NCAM2: variants seen among roughly 807,000 people sequenced by gnomAD.
NCAM2 encodes N-CAM-2.
In NCAM2, 30 loss-of-function variants were observed where a neutral mutation model predicts 98.1. The observed-to-expected ratio is 0.31, with a 90% CI of 0.23 to 0.41. The LOEUF is 0.41. Among genes scored for constraint, NCAM2 ranks in the 10% least tolerant of loss-of-function variants. The pLI is 1.00. For missense variants in NCAM2, 867 were observed against 1,005.8 expected (o/e 0.86, Z 1.87); for synonymous variants, 368 against 342.4 (o/e 1.07, Z -0.83).
At chr21:21,123,653 A>G (rs939339280) in intron 1 of NCAM2, among the ~76,000 whole-genome samples, 5 of 152,022 alleles carry the variant, frequency 3.3e-5, no homozygotes, top group Non-Finnish European at 5.9e-5. Context: ...TGCGCATTGC[A>G]ATTAATATAT....
chr21:21,503,865 C>A (rs191877388), intron 15 of NCAM2, among the ~76,000 whole-genome samples: 2 of 151,754 alleles, frequency 1.3e-5, no homozygotes, highest in African/African-American at 2.4e-5. Flanking sequence ...TTTTTATATT[C>A]TAAATTATTT....
intron 9 of NCAM2, 44 bp downstream of exon 9, chr21:21,374,057 G>A: frequency 6.4e-7 from 1 of 1,568,092 alleles, no homozygotes; most frequent in Non-Finnish European, 8.7e-7. Context: ...AACTTTGCAT[G>A]CTTTGAAACA....
At chr21:21,476,678 G>A (rs1985207700) in intron 14 of NCAM2, among the ~76,000 whole-genome samples, 1 of 151,992 alleles carries the variant, frequency 6.6e-6, no homozygotes, top group South Asian at 2.1e-4. Context: ...TAGTATTTAA[G>A]TGTAGAATGT....
At chr21:21,192,571 AAG>A (rs2068858683) in intron 1 of NCAM2, among the ~76,000 whole-genome samples, 1 of 152,192 alleles carries the variant, frequency 6.6e-6, no homozygotes, top group Non-Finnish European at 1.5e-5. Context: ...TACTTACAAA[AAG>A]TTTAGCTGAA....
chr21:21,092,907 C>T (rs1014871338), intron 1 of NCAM2, among the ~76,000 whole-genome samples: 1 of 151,806 alleles, frequency 6.6e-6, no homozygotes, highest in South Asian at 2.1e-4. Flanking sequence ...AATATTAGAA[C>T]AAAGCTAACA....
chr21:21,187,772 T>C (rs913915300), intron 1 of NCAM2, among the ~76,000 whole-genome samples: 1 of 152,210 alleles, frequency 6.6e-6, no homozygotes, highest in South Asian at 2.1e-4. Flanking sequence ...TCATTAAACC[T>C]GACTCACTAC....
At chr21:21,249,069 A>G (rs914349364) in intron 1 of NCAM2, among the ~76,000 whole-genome samples, 2 of 152,118 alleles carry the variant, frequency 1.3e-5, no homozygotes, top group African/African-American at 4.8e-5. Context: ...CTTACCAATT[A>G]TGAGGTAAAA....
chr21:21,117,691 G>GT (rs1386676448), intron 1 of NCAM2, among the ~76,000 whole-genome samples: 1 of 152,106 alleles, frequency 6.6e-6, no homozygotes, highest in African/African-American at 2.4e-5. Flanking sequence ...CACTCAGCCT[G>GT]TGAAGTCTTA....
chr21:21,115,607 G>A (rs1478105815), intron 1 of NCAM2, among the ~76,000 whole-genome samples: 1 of 152,082 alleles, frequency 6.6e-6, no homozygotes, highest in Non-Finnish European at 1.5e-5. Flanking sequence ...TGCATTAATT[G>A]TCTTTGTTTC....
At chr21:21,007,242 C>G (rs2064129207) in intron 1 of NCAM2, among the ~76,000 whole-genome samples, 1 of 152,026 alleles carries the variant, frequency 6.6e-6, no homozygotes, top group Non-Finnish European at 1.5e-5. Context: ...AATGAGAGGA[C>G]TTGGGGACAT....
rs1990159459 is a variant in NCAM2 at position 21,539,851 on chromosome 21, G to A, written c.*1894G>A. On this transcript the variant is annotated 3_prime_UTR_variant, in exon 18 of 18. Coordinates refer to ENST00000400546, the MANE Select transcript of NCAM2 (RefSeq NM_004540.5). The stretch of plus-strand genomic sequence containing the variant: ...CAACTGGTCTTTGACAGATTTGACT[G>A]TTCATATTTAGTTTATGTTTGTCTG... 6.6e-6 allele frequency: 1 copy of A among 152,112 alleles called. No homozygotes were observed. The highest frequency in any genetic ancestry group is 2.4e-5 in the African/African-American group (1 of 41,430). The allele number at this position is 152,112 out of a possible 1,614,324, so 9.4% of individuals were successfully genotyped here. A position where few individuals can be genotyped will look rare whatever the true frequency, so the allele number is the denominator to read the frequency against.
chr21:21,199,012 T>A (rs1436734757), intron 1 of NCAM2, among the ~76,000 whole-genome samples: 1 of 152,226 alleles, frequency 6.6e-6, no homozygotes, highest in Non-Finnish European at 1.5e-5. Flanking sequence ...GTCCCATTTA[T>A]GATTTTTGTC....
At position 21,350,945 on chromosome 21, in the gene NCAM2, A is replaced by AGAGAG. The variant is rs202088764; in HGVS notation, c.1044+12411_1044+12412insGAGAG. 6.5e-4 allele frequency among the ~76,000 whole-genome samples: 85 copies of AGAGAG among 130,790 alleles called. 1 individual carries two copies. The highest frequency in any genetic ancestry group is 1.2e-3 in the Non-Finnish European group (77 of 62,448). 85.8% of individuals were successfully genotyped at this position (130,790 alleles called of 152,430 possible). ...TAGTAAAAATACAAAAAAAAAAAAAAAAAGGAGAGAAAAGAAAAAAAATTA... is the reference window on the plus strand; with the variant it reads ...TAGTAAAAATACAAAAAAAAAAAAAAGAGAGAAAGGAGAGAAAAGAAAAAAAATTA... On this transcript the variant is annotated intron_variant, in intron 8 of 17. Coordinates refer to ENST00000400546, the MANE Select transcript of NCAM2 (RefSeq NM_004540.5).
chr21:21,278,845 C>T (rs2072826177), intron 1 of NCAM2, among the ~76,000 whole-genome samples: 1 of 152,060 alleles, frequency 6.6e-6, no homozygotes, highest in Non-Finnish European at 1.5e-5. Flanking sequence ...TTCTTTATTA[C>T]ACATTTTATT....
intron 1 of NCAM2, among the ~76,000 whole-genome samples, chr21:21,201,700 A>G (rs900961640): frequency 6.6e-6 from 1 of 152,178 alleles, no homozygotes; most frequent in African/African-American, 2.4e-5. Context: ...TTAATGAAGT[A>G]GATAATGTAA....
chr21:21,414,353 C>T (rs112310968), intron 10 of NCAM2, among the ~76,000 whole-genome samples: 2,733 of 152,246 alleles, frequency 0.018, 32 homozygotes, highest in Non-Finnish European at 0.027. Flanking sequence ...TTCTTAATGG[C>T]GTCAGCATGG....
chr21:21,039,111 A>G (rs2146253784), intron 1 of NCAM2, among the ~76,000 whole-genome samples: 1 of 152,310 alleles, frequency 6.6e-6, no homozygotes, highest in East Asian at 1.9e-4. Flanking sequence ...AAGAAAGTAC[A>G]TGTAACAGGC....
intron 15 of NCAM2, among the ~76,000 whole-genome samples, chr21:21,503,637 G>A (rs1406032868): frequency 2.0e-5 from 3 of 151,896 alleles, no homozygotes; most frequent in African/African-American, 7.2e-5. Context: ...AGGGACTACT[G>A]TATATAAGAC....
chr21:21,337,004 C>A (rs2147868210), intron 7 of NCAM2, among the ~76,000 whole-genome samples: 1 of 152,196 alleles, frequency 6.6e-6, no homozygotes, highest in South Asian at 2.1e-4. Flanking sequence ...AGTAAATATA[C>A]TTAACATTTT....
Sources: gnomAD v4.1 joint callset for allele counts (sites outside exome capture counted in the v4.1 genomes callset) on GRCh38, gnomAD v4.1.1 for gene constraint, MANE v1.5 for transcripts, NCBI Gene and HGNC (gene_info 2026-07-23, HGNC 2026-07-21) for gene names.